NRG1: variants seen among roughly 807,000 people sequenced by gnomAD.
NRG1 encodes the protein neuregulin 1.
A neutral mutation model predicts 63.8 loss-of-function variants in NRG1; 18 were observed. The observed-to-expected ratio is 0.28, with a 90% confidence interval of 0.19 to 0.42. NRG1 has a LOEUF of 0.42. Ranked by LOEUF, NRG1 falls within the 10% of genes least tolerant of loss-of-function variation. The probability of loss-of-function intolerance (pLI) is 1.00; values close to 1 mark genes in which losing one functional copy is unlikely to be tolerated. For missense variants in NRG1, 762 were observed against 814.7 expected, an observed-to-expected ratio of 0.94 and a Z score of 0.79; for synonymous variants, 302 against 301.3, an observed-to-expected ratio of 1.00 and a Z score of -0.02.
At chr8:31,955,379 A>T (rs1014593458) in intron 1 of NRG1, among the ~76,000 whole-genome samples, 1 of 152,222 alleles carries the variant, frequency 6.6e-6, no homozygotes, top group Non-Finnish European at 1.5e-5. Flanking sequence ...TCATTTGAGA[A>T]GCTGGTATAA....
At chr8:32,236,247 T>G (rs1329384914) in intron 1 of NRG1, among the ~76,000 whole-genome samples, 1 of 152,050 alleles carries the variant, frequency 6.6e-6, no homozygotes, top group Admixed American at 6.6e-5. Flanking sequence ...TATCTCTGCC[T>G]TTGAGACAAT....
At chr8:32,292,806 T>G (rs1854355850) in intron 1 of NRG1, among the ~76,000 whole-genome samples, 1 of 151,880 alleles carries the variant, frequency 6.6e-6, no homozygotes, top group Admixed American at 6.6e-5. Context: ...ATAGAGACAG[T>G]GTAAAAGGCT....
At chr8:32,311,787 T>C (rs977485170) in intron 1 of NRG1, among the ~76,000 whole-genome samples, 4 of 152,128 alleles carry the variant, frequency 2.6e-5, no homozygotes, top group African/African-American at 9.7e-5. Flanking sequence ...CCGTGCTGCT[T>C]TTCCACACAG....
At chr8:32,104,553 G>C (rs146765076) in intron 1 of NRG1, among the ~76,000 whole-genome samples, 2 of 152,030 alleles carry the variant, frequency 1.3e-5, no homozygotes, top group Admixed American at 6.6e-5. Flanking sequence ...CTTAATAAAT[G>C]TTTTAATTTT....
At chr8:32,471,245 C>A (rs1823807306) in intron 1 of NRG1, among the ~76,000 whole-genome samples, 1 of 152,170 alleles carries the variant, frequency 6.6e-6, no homozygotes, top group African/African-American at 2.4e-5. Flanking sequence ...TCTGTTTCAA[C>A]AACAATAAGA....
intron 1 of NRG1, among the ~76,000 whole-genome samples, chr8:31,811,643 A>C (rs1822898989): frequency 6.6e-6 from 1 of 152,198 alleles, no homozygotes. Context: ...TTTCTTAAAA[A>C]TAATTTGTTT....
chr8:32,232,661 G>T (rs1159708597), intron 1 of NRG1, among the ~76,000 whole-genome samples: 2 of 152,138 alleles, frequency 1.3e-5, no homozygotes, highest in African/African-American at 4.8e-5. Context: ...CCCTGGTCAT[G>T]AAATTTCCTT....
chr8:32,677,187 T>A (rs1446392798), intron 5 of NRG1, among the ~76,000 whole-genome samples: 2 of 152,144 alleles, frequency 1.3e-5, no homozygotes, highest in Non-Finnish European at 2.9e-5. Context: ...GGTGAATAAT[T>A]TTGAAATTTA....
At chr8:31,988,097 C>A (rs1034166711) in intron 1 of NRG1, among the ~76,000 whole-genome samples, 1 of 152,138 alleles carries the variant, frequency 6.6e-6, no homozygotes, top group Non-Finnish European at 1.5e-5. Flanking sequence ...CACTCACACC[C>A]TTTTGTCCAG....
At chr8:31,660,329 C>T (rs1805860256) in intron 1 of NRG1, among the ~76,000 whole-genome samples, 2 of 152,178 alleles carry the variant, frequency 1.3e-5, no homozygotes, top group Non-Finnish European at 2.9e-5. Flanking sequence ...CACCATATCT[C>T]ACAGGTGTTT....
chr8:32,330,950 T>G lies in NRG1; in HGVS notation c.38-264878T>G, dbSNP rs539728063. Among the ~76,000 whole-genome samples, 925 of 147,876 alleles carry G rather than the reference T, an allele frequency of 6.3e-3. 5 individuals carry two copies. The highest frequency in any genetic ancestry group is 9.7e-3 in the Non-Finnish European group (651 of 66,786). The stretch of plus-strand genomic sequence containing the variant: ...CCTGATCTAGAGTTTTAGATTGTTT[T>G]GTTTGTTTTGTTTTGTTTTCCTGTA... On this transcript the variant is annotated intron_variant, in intron 1 of 10. Coordinates refer to the NRG1 transcript ENST00000519301.
chr8:32,556,309 G>A (rs1835166019), intron 1 of NRG1, among the ~76,000 whole-genome samples: 1 of 152,192 alleles, frequency 6.6e-6, no homozygotes, highest in East Asian at 1.9e-4. Flanking sequence ...AATTGAAGCA[G>A]TAACATTTTT....
At chr8:31,943,976 T>C (rs1802152722) in intron 1 of NRG1, among the ~76,000 whole-genome samples, 1 of 152,232 alleles carries the variant, frequency 6.6e-6, no homozygotes, top group Non-Finnish European at 1.5e-5. Flanking sequence ...TATTACTTGT[T>C]TATCAAAATG....
intron 1 of NRG1, among the ~76,000 whole-genome samples, chr8:31,697,614 G>A (rs550235753): frequency 8.9e-4 from 135 of 152,266 alleles, no homozygotes; most frequent in African/African-American, 3.2e-3. Flanking sequence ...GCCGGGTCAG[G>A]AAAGCAGAGG....
rs1403032437 is a variant in NRG1 at position 31,809,827 on chromosome 8, G to T, written c.37+170396G>T. Among the ~76,000 whole-genome samples, 2 of 133,928 alleles carry T rather than the reference G, an allele frequency of 1.5e-5. 1 individual carries two copies. The highest frequency in any genetic ancestry group is 5.6e-5 in the African/African-American group (2 of 35,796). The allele number at this position is 133,928 out of a possible 152,430, so 87.9% of individuals were successfully genotyped here. A position where few individuals can be genotyped will look rare whatever the true frequency, so the allele number is the denominator to read the frequency against. ...ACAAGCCATTGTTTCTGACCCGAGT[G>T]CTCTCTTTTAGAATTTTTTTTTTTT... is the stretch of plus-strand genomic sequence containing the variant. On this transcript the variant is annotated intron_variant, in intron 1 of 10. Transcript: ENST00000519301.
chr8:31,846,182 AAGC>A (rs1473388616), intron 1 of NRG1, among the ~76,000 whole-genome samples: 2 of 152,230 alleles, frequency 1.3e-5, no homozygotes, highest in African/African-American at 2.4e-5. Flanking sequence ...GAAATTCTGA[AAGC>A]AGGTGAATTC....
rs550702254 is a variant in NRG1, at chr8:32,070,345, C to T, written c.37+430914C>T. On this transcript the variant is annotated intron_variant, in intron 1 of 10. Coordinates refer to the NRG1 transcript ENST00000519301. Reference sequence around the variant, plus strand: ...TCCATTTTCTCATATATTAAATGACCATTATAACCTTGCTCTGTAAGACTG... The same window carrying T: ...TCCATTTTCTCATATATTAAATGACTATTATAACCTTGCTCTGTAAGACTG... Among the ~76,000 whole-genome samples the T allele has an allele frequency of 5.4e-4, 82 of 152,182 alleles. 1 individual carries two copies. The highest frequency in any genetic ancestry group is 1.9e-3 in the African/African-American group (78 of 41,504).
intron 1 of NRG1, among the ~76,000 whole-genome samples, chr8:32,551,490 C>T (rs80008458): frequency 0.013 from 2,011 of 152,180 alleles, 42 homozygotes; most frequent in African/African-American, 0.045. Flanking sequence ...CTATATTGTA[C>T]GCATAGGCAT....
At chr8:32,041,633 G>A (rs1177498769) in intron 1 of NRG1, among the ~76,000 whole-genome samples, 1 of 152,138 alleles carries the variant, frequency 6.6e-6, no homozygotes, top group Non-Finnish European at 1.5e-5. Context: ...AAAGCTCTCA[G>A]GACGAGAAAG....
Sources: gnomAD v4.1 joint callset for allele counts (sites outside exome capture counted in the v4.1 genomes callset) on GRCh38, gnomAD v4.1.1 for gene constraint, MANE v1.5 for transcripts, NCBI Gene and HGNC (gene_info 2026-07-23, HGNC 2026-07-21) for gene names.